SUGCT: variants seen among roughly 807,000 people sequenced by gnomAD.
SUGCT encodes succinyl-CoA:glutarate CoA-transferase.
Under a neutral mutation model 55.0 loss-of-function variants are expected in SUGCT, and 41 were observed. The ratio of observed to expected loss-of-function variants is 0.74; its 90% CI spans 0.58 to 0.97. The LOEUF (loss-of-function observed/expected upper bound fraction) is 0.97, where lower values mean the gene tolerates loss of function less well. Ranked by LOEUF, SUGCT falls within the 50% of genes least tolerant of loss-of-function variation. SUGCT has a pLI of 0.00. For synonymous variants in SUGCT, 187 were observed against 200.4 expected (o/e 0.93, Z 0.56); for missense variants, 568 against 547.8 (o/e 1.04, Z -0.37).
At chr7:40,370,002 A>G (rs1784209854) in intron 9 of SUGCT, among the ~76,000 whole-genome samples, 3 of 152,150 alleles carry the variant, frequency 2.0e-5, no homozygotes, top group Admixed American at 6.6e-5. Context: ...CATGCAATAC[A>G]TGATATTGCA....
chr7:40,228,160 G>A (rs956799054), intron 6 of SUGCT, among the ~76,000 whole-genome samples: 2 of 152,130 alleles, frequency 1.3e-5, no homozygotes, highest in Admixed American at 6.5e-5. Flanking sequence ...TGGGATTACA[G>A]GTGTGAGCCA....
rs189836301 is a variant in SUGCT, at chr7:40,575,689, T to C, written c.1089+79303T>C. 1.2e-4 allele frequency among the ~76,000 whole-genome samples: 18 copies of C among 152,150 alleles called. 1 individual carries two copies. In the East Asian group the frequency reaches 3.5e-3, roughly 29 times the overall value. On this transcript the variant is annotated intron_variant, in intron 12 of 13. Coordinates refer to ENST00000335693, the MANE Select transcript of SUGCT (RefSeq NM_001193313.2). ...GGCTGGGTGTGGTGGCTCATGCCTG[T>C]AATCCCAGCACTTTGGGAGGCTGAG...
chr7:40,605,965 C>G (rs1798514108), intron 12 of SUGCT, among the ~76,000 whole-genome samples: 1 of 152,076 alleles, frequency 6.6e-6, no homozygotes, highest in African/African-American at 2.4e-5. Context: ...TTGTGCAGTG[C>G]CTTGTCTAGC....
Position 40,609,545 on chromosome 7 carries a change from C to T in SUGCT, c.1089+113159C>T, listed in dbSNP as rs564967907. On this transcript the variant is annotated intron_variant, in intron 12 of 13. Coordinates refer to ENST00000335693, the MANE Select transcript of SUGCT (RefSeq NM_001193313.2). ...GCACCTGGGCAACAGAGCGAGACTC[C>T]ATCTCAAAAAAAAAAAAAAAAGAAA... 1.3e-3 allele frequency among the ~76,000 whole-genome samples: 184 copies of T among 141,164 alleles called. 1 individual carries two copies. Among genetic ancestry groups the T allele is most frequent in the African/African-American group, 4.6e-3 (176 of 37,992 alleles). The allele number at this position is 141,164 out of a possible 152,430, so 92.6% of individuals were successfully genotyped here.
At chr7:40,137,676 A>C (rs1008467742) in intron 1 of SUGCT, among the ~76,000 whole-genome samples, 1 of 151,968 alleles carries the variant, frequency 6.6e-6, no homozygotes, top group Non-Finnish European at 1.5e-5. Flanking sequence ...CTCTCTCTAT[A>C]TATTTTTTAT....
Position 40,853,715 on chromosome 7 carries a change from AAATT to A in SUGCT, c.1154-6594_1154-6591del, listed in dbSNP as rs371495452. On this transcript the variant is annotated intron_variant, in intron 13 of 13. Coordinates refer to ENST00000335693, the MANE Select transcript of SUGCT (RefSeq NM_001193313.2). ...ATCACTTAGTTGGATAATCTTAGAC[AAATT>A]AATTAACCCTTTAAAGAGCCTCAGT... 2.5e-3 allele frequency among the ~76,000 whole-genome samples: 378 copies of A among 152,322 alleles called. 2 individuals carry two copies. The highest frequency in any genetic ancestry group is 8.7e-3 in the African/African-American group (362 of 41,570).
chr7:40,624,819 C>T (rs984987498), intron 12 of SUGCT, among the ~76,000 whole-genome samples: 1 of 146,848 alleles, frequency 6.8e-6, no homozygotes, highest in African/African-American at 2.7e-5. Flanking sequence ...ACACGCACAC[C>T]ACAAACACGC....
At chr7:40,848,193 G>C (rs1793673906) in intron 13 of SUGCT, among the ~76,000 whole-genome samples, 1 of 152,142 alleles carries the variant, frequency 6.6e-6, no homozygotes, top group South Asian at 2.1e-4. Context: ...AGAGAAACTT[G>C]CATAATTTAC....
At chr7:40,798,585 A>C (rs1790663806) in intron 13 of SUGCT, among the ~76,000 whole-genome samples, 1 of 152,200 alleles carries the variant, frequency 6.6e-6, no homozygotes, top group South Asian at 2.1e-4. Context: ...GCTAGTGAGT[A>C]ATATTTCAAA....
intron 9 of SUGCT, among the ~76,000 whole-genome samples, chr7:40,341,961 G>A (rs1797074670): frequency 6.6e-6 from 1 of 152,210 alleles, no homozygotes; most frequent in Non-Finnish European, 1.5e-5. Context: ...AGTCCTTAAA[G>A]GGATGTTCTG....
chr7:41,022,084 G>C, the SUGCT span, among the ~76,000 whole-genome samples: 1 of 152,102 alleles, frequency 6.6e-6, no homozygotes, highest in South Asian at 2.1e-4. Context: ...AAAGTAATCA[G>C]TTCTGAGATG....
At chr7:40,362,431 C>A (rs1377534826) in intron 9 of SUGCT, among the ~76,000 whole-genome samples, 1 of 151,654 alleles carries the variant, frequency 6.6e-6, no homozygotes, top group African/African-American at 2.4e-5. Context: ...CCGCTCCCCC[C>A]TCAAAAAAAA....
rs530455909 is a variant in SUGCT, at chr7:40,377,128, CTCTTTCTTTCTTTCTTTCTTTCTT to C, written c.816+60323_816+60346del. Among the ~76,000 whole-genome samples the C allele has an allele frequency of 7.9e-4, 5 of 6,318 alleles. 1 individual carries two copies. The highest frequency in any genetic ancestry group is 1.3e-3 in the African/African-American group (5 of 3,874). The allele number at this position is 6,318 out of a possible 152,430, so 4.1% of individuals were successfully genotyped here. On this transcript the variant is annotated intron_variant, in intron 9 of 13. Transcript: ENST00000335693. ...CTTGGAAAGGAAATTTTCAGCCTTC[CTCTTTCTTTCTTTCTTTCTTTCTT>C]TCTTTCTTTCTTTCTTTCTTTCTTT...
At chr7:40,473,941 C>T (rs1290012821) in intron 11 of SUGCT, among the ~76,000 whole-genome samples, 1 of 151,942 alleles carries the variant, frequency 6.6e-6, no homozygotes, top group Non-Finnish European at 1.5e-5. Context: ...TCATATTTCT[C>T]CCCCATTCTT....
At chr7:40,663,080 A>G (rs1237728144) in intron 12 of SUGCT, among the ~76,000 whole-genome samples, 1 of 152,204 alleles carries the variant, frequency 6.6e-6, no homozygotes, top group African/African-American at 2.4e-5. Context: ...TTTAAATGAC[A>G]TTATTAAAAA....
intron 7 of SUGCT, among the ~76,000 whole-genome samples, chr7:40,249,989 G>A (rs1046100733): frequency 3.3e-5 from 5 of 152,112 alleles, no homozygotes; most frequent in African/African-American, 1.2e-4. Context: ...ATTTCACTAT[G>A]TTGGCTAGGC....
rs1226090258 is a variant in SUGCT at position 40,749,584 on chromosome 7, A to G, written c.1153+87A>G. On this transcript the variant is annotated intron_variant, in intron 13 of 13. Transcript: ENST00000335693. Reference sequence around the variant, plus strand: ...TACTACAGGTAGCTTATGAGCTCCCAAACAACTTTCCAAGACATTATCCAA... The same window carrying G: ...TACTACAGGTAGCTTATGAGCTCCCGAACAACTTTCCAAGACATTATCCAA... 3 of 1,076,648 alleles carry G rather than the reference A, an allele frequency of 2.8e-6. No individual in the cohort carries two copies. The East Asian group carries it at 7.1e-5, about 25-fold the overall frequency. The allele number at this position is 1,076,648 out of a possible 1,614,324, so 66.7% of individuals were successfully genotyped here. A position where few individuals can be genotyped will look rare whatever the true frequency, so the allele number is the denominator to read the frequency against.
At position 40,860,384 on chromosome 7, in the gene SUGCT, A is replaced by G; in HGVS notation, c.1222A>G (p.Thr408Ala). The G allele has an allele frequency of 4.3e-6, 7 of 1,613,992 alleles. No individual in the cohort carries two copies. The highest frequency in any genetic ancestry group is 5.9e-6 in the Non-Finnish European group (7 of 1,179,868). The change falls in exon 14 of 14, where the codon ACA (threonine) becomes GCA (alanine). Residue 408 changes from threonine to alanine, a missense_variant. Coordinates refer to ENST00000335693, the MANE Select transcript of SUGCT (RefSeq NM_001193313.2). ...GCCGCCCCCGCTGCTCGGGCAGCAC[A>G]CAACGCACATCCTGAAGGAGGTCCT... is the stretch of plus-strand genomic sequence containing the variant. Reference protein sequence around the residue: ...ARPPPLLGQHTTHILKEVLRY... With the variant: ...ARPPPLLGQHATHILKEVLRY...
intron 12 of SUGCT, chr7:40,539,684 T>C (rs950492033): frequency 6.6e-6 from 1 of 152,228 alleles, no homozygotes; most frequent in African/African-American, 2.4e-5. Context: ...TTCTGATTCC[T>C]AGAATATTGA....
Sources: allele counts gnomAD v4.1 joint callset (sites outside exome capture counted in the v4.1 genomes callset), GRCh38; gene constraint gnomAD v4.1.1; transcripts MANE v1.5; gene names NCBI Gene and HGNC (gene_info 2026-07-23, HGNC 2026-07-21).